The following ATP10D variants were observed in gnomAD, a reference collection of about 807,000 sequenced individuals.
The protein encoded by ATP10D is phospholipid-transporting ATPase VD.
Under a neutral mutation model 144.8 loss-of-function variants are expected in ATP10D, and 89 were observed. The ratio of observed to expected loss-of-function variants is 0.61; its 90% CI spans 0.52 to 0.73. The LOEUF is 0.73. Ranked by LOEUF, ATP10D falls within the 30% of genes least tolerant of loss-of-function variation. The probability of loss-of-function intolerance (pLI) is 0.00; values close to 1 mark genes in which losing one functional copy is unlikely to be tolerated. For missense variants in ATP10D, 1,603 were observed against 1,714.8 expected (o/e 0.93, Z 1.15); for synonymous variants, 571 against 615.1 (o/e 0.93, Z 1.06).
chr4:47,511,573 T>G (rs1381696481), intron 1 of ATP10D, among the ~76,000 whole-genome samples: 1 of 152,194 alleles, frequency 6.6e-6, no homozygotes, highest in Non-Finnish European at 1.5e-5. Context: ...CTGCATTTCT[T>G]GGAAAATAAG....
chr4:47,558,828 T>C (rs1295723436), intron 12 of ATP10D, 95 bp from the exon 13 acceptor site: 1 of 1,007,360 alleles, frequency 9.9e-7, no homozygotes, highest in Non-Finnish European at 1.5e-6. Flanking sequence ...TTTTTATTTG[T>C]TTTTTTAGTG....
chr4:47,486,210 A>T (rs548690893), intron 1 of ATP10D, among the ~76,000 whole-genome samples: 1 of 152,354 alleles, frequency 6.6e-6, no homozygotes, highest in African/African-American at 2.4e-5. Context: ...TACCACGTAC[A>T]GCAGAGAGAC....
intron 9 of ATP10D, among the ~76,000 whole-genome samples, chr4:47,545,163 T>C (rs767013014): frequency 2.0e-5 from 3 of 152,168 alleles, no homozygotes; most frequent in Non-Finnish European, 4.4e-5. Context: ...AAGGAACATC[T>C]AGTAAAGAAG....
chr4:47,582,077 C>A lies in ATP10D; in HGVS notation c.3753+13C>A, dbSNP rs1439530587. On this transcript the variant is annotated intron_variant, in intron 21 of 22. Coordinates refer to ENST00000273859, the MANE Select transcript of ATP10D (RefSeq NM_020453.4). ...AAGCAAGAGTTTGGTGAGTGGTTTTCTTGCCTCTGAAGTAGCCTAAAATCT... is the reference window on the plus strand; with the variant it reads ...AAGCAAGAGTTTGGTGAGTGGTTTTATTGCCTCTGAAGTAGCCTAAAATCT... 1 of 1,599,214 alleles carries A rather than the reference C, an allele frequency of 6.3e-7. No homozygotes were observed. The highest frequency in any genetic ancestry group is 2.2e-5 in the East Asian group (1 of 44,744).
chr4:47,497,388 G>A (rs980606353), intron 1 of ATP10D, among the ~76,000 whole-genome samples: 29 of 152,126 alleles, frequency 1.9e-4, no homozygotes, highest in African/African-American at 4.6e-4. Context: ...CGGGGAGACC[G>A]ATGTTGCAGT....
chr4:47,575,074 C>G (rs1679319647), intron 18 of ATP10D, among the ~76,000 whole-genome samples: 1 of 152,114 alleles, frequency 6.6e-6, no homozygotes, highest in African/African-American at 2.4e-5. Context: ...ACCTTGGCCT[C>G]CCAAAGTGCT....
At chr4:47,580,890 C>T (rs1217123115) in intron 20 of ATP10D, among the ~76,000 whole-genome samples, 1 of 152,022 alleles carries the variant, frequency 6.6e-6, no homozygotes, top group East Asian at 1.9e-4. Flanking sequence ...AGTGAGGCCA[C>T]CATCTCTACA....
chr4:47,507,020 G>C (rs557303996), intron 1 of ATP10D, among the ~76,000 whole-genome samples: 1 of 152,292 alleles, frequency 6.6e-6, no homozygotes, highest in East Asian at 1.9e-4. Flanking sequence ...TAGTTGCCTA[G>C]AAGCCTCCCC....
chr4:47,545,199 C>A (rs995610462), intron 9 of ATP10D, among the ~76,000 whole-genome samples: 1 of 152,062 alleles, frequency 6.6e-6, no homozygotes, highest in African/African-American at 2.4e-5. Flanking sequence ...GAGCTTGTTA[C>A]TTTTCAAAGT....
chr4:47,517,803 G>A (rs1716765629), intron 3 of ATP10D, among the ~76,000 whole-genome samples: 1 of 152,112 alleles, frequency 6.6e-6, no homozygotes, highest in Admixed American at 6.5e-5. Flanking sequence ...TTTCTCAGGT[G>A]TCCTTTTAGA....
In ATP10D at chr4:47,557,891, G is replaced by A. The variant is rs1446301761; in HGVS notation, c.2052G>A (p.Gln684=). 6.2e-7 allele frequency: 1 copy of A among 1,614,052 alleles called. No individual in the cohort carries two copies. Among genetic ancestry groups the A allele is most frequent in the African/African-American group, 1.3e-5 (1 of 74,924 alleles). The change falls in exon 12 of 23, where the codon CAG becomes CAA. Residue 684 remains glutamine, a synonymous_variant. Transcript: ENST00000273859. ...EEVSQVCESP[Q]CSSSSACCTE... is the part of the protein sequence containing the mutation. Reference sequence around the variant, plus strand: ...TCTCCCAGGTGTGTGAGAGCCCCCAGTGCTCCAGTAGCTCAGCTTGCTGCA... The same window carrying A: ...TCTCCCAGGTGTGTGAGAGCCCCCAATGCTCCAGTAGCTCAGCTTGCTGCA...
At chr4:47,504,148 C>T (rs767096345) in intron 1 of ATP10D, among the ~76,000 whole-genome samples, 1 of 152,120 alleles carries the variant, frequency 6.6e-6, no homozygotes, top group African/African-American at 2.4e-5. Context: ...GATTATGTAA[C>T]TTCATTATTC....
At position 47,526,672 on chromosome 4, in the gene ATP10D, T is replaced by G. The variant is rs188378334; in HGVS notation, c.776+1030T>G. Among the ~76,000 whole-genome samples the G allele has an allele frequency of 2.4e-3, 360 of 152,298 alleles. 2 individuals carry two copies. The highest frequency in any genetic ancestry group is 8.1e-3 in the African/African-American group (337 of 41,578). Reference sequence around the variant, plus strand: ...CTAGAAATAATGAGTTTAGCAATGTTGTAGAAAACAAGATCCAGATACAAA... The same window carrying G: ...CTAGAAATAATGAGTTTAGCAATGTGGTAGAAAACAAGATCCAGATACAAA... On this transcript the variant is annotated intron_variant, in intron 5 of 22. Coordinates refer to ENST00000273859, the MANE Select transcript of ATP10D (RefSeq NM_020453.4).
At chr4:47,490,655 AG>A (rs1715019975) in intron 1 of ATP10D, among the ~76,000 whole-genome samples, 1 of 152,238 alleles carries the variant, frequency 6.6e-6, no homozygotes, top group Non-Finnish European at 1.5e-5. Context: ...GGTAACGGGC[AG>A]AGGACAGGAG....
chr4:47,562,011 A>T (rs1719342338), intron 14 of ATP10D, among the ~76,000 whole-genome samples: 1 of 152,226 alleles, frequency 6.6e-6, no homozygotes, highest in Non-Finnish European at 1.5e-5. Context: ...CAGTGTAAGT[A>T]GTATAGGTCC....
chr4:47,584,554 C>T (rs1322199620), intron 21 of ATP10D, among the ~76,000 whole-genome samples: 7 of 151,790 alleles, frequency 4.6e-5, no homozygotes, highest in African/African-American at 7.3e-5. Flanking sequence ...CACCACGCCC[C>T]GCTAATTTTG....
At chr4:47,538,359 GT>G (rs1717954755) in intron 9 of ATP10D, among the ~76,000 whole-genome samples, 1 of 152,126 alleles carries the variant, frequency 6.6e-6, no homozygotes, top group African/African-American at 2.4e-5. Context: ...CAGCGCTGAT[GT>G]TCATTTGTGC....
chr4:47,558,816 C>G, intron 12 of ATP10D, 107 bp from the exon 13 acceptor site: 1 of 893,548 alleles, frequency 1.1e-6, no homozygotes, highest in Non-Finnish European at 1.7e-6. Flanking sequence ...AACCAGAAGG[C>G]TTTTTTATTT....
chr4:47,554,999 T>C, intron 11 of ATP10D, 85 bp downstream of exon 11: 1 of 1,110,806 alleles, frequency 9.0e-7, no homozygotes, highest in African/African-American at 1.6e-5. Context: ...GCTTGATATA[T>C]GGATAAAAAT....
Sources: allele counts gnomAD v4.1 joint callset (sites outside exome capture counted in the v4.1 genomes callset), GRCh38; gene constraint gnomAD v4.1.1; transcripts MANE v1.5; gene names NCBI Gene and HGNC (gene_info 2026-07-23, HGNC 2026-07-21).